Variants in TCEANC2 observed in about 807,000 individuals in gnomAD.
TCEANC2 encodes transcription elongation factor A N-terminal and central domain containing 2, also known as transcription elongation factor A N-terminal and central domain-containing protein 2.
A neutral mutation model predicts 22.8 loss-of-function variants in TCEANC2; 20 were observed. The ratio of observed to expected loss-of-function variants is 0.88; its 90% CI spans 0.62 to 1.28. The LOEUF (loss-of-function observed/expected upper bound fraction) is 1.28. Among genes scored for constraint, TCEANC2 ranks in the 50% most tolerant of loss-of-function variants. The pLI is 0.00. For missense variants in TCEANC2, 251 were observed against 249.7 expected (o/e 1.01, Z -0.03); for synonymous variants, 84 against 95.5 (o/e 0.88, Z 0.70).
intron 3 of TCEANC2, among the ~76,000 whole-genome samples, chr1:54,074,450 G>A (rs558337313): frequency 6.6e-6 from 1 of 151,824 alleles, no homozygotes; most frequent in Admixed American, 6.5e-5. Context: ...GCAACAGACC[G>A]AGACTCCGTC....
At chr1:54,095,042 G>A (rs1042483386) in intron 4 of TCEANC2, among the ~76,000 whole-genome samples, 1 of 152,174 alleles carries the variant, frequency 6.6e-6, no homozygotes, top group Non-Finnish European at 1.5e-5. Flanking sequence ...GCTCTTGAGA[G>A]GCTGAAGCCA....
chr1:54,109,447 T>C (rs546952008), downstream of TCEANC2, among the ~76,000 whole-genome samples: 1 of 152,292 alleles, frequency 6.6e-6, no homozygotes, highest in Non-Finnish European at 1.5e-5. Context: ...AATTTTTACT[T>C]GGAGAACTTT....
At chr1:54,075,199 G>A (rs975562146) in intron 3 of TCEANC2, among the ~76,000 whole-genome samples, 6 of 152,186 alleles carry the variant, frequency 3.9e-5, no homozygotes, top group African/African-American at 7.2e-5. Context: ...TTTGTAAGGC[G>A]CCCACATTCT....
chr1:54,082,561 CA>C (rs1258140287), intron 3 of TCEANC2, among the ~76,000 whole-genome samples: 5 of 152,096 alleles, frequency 3.3e-5, no homozygotes, highest in African/African-American at 9.7e-5. Flanking sequence ...ATAAGATGGA[CA>C]TTTAAATATT....
chr1:54,110,628 A>G (rs1358849197), downstream of TCEANC2, among the ~76,000 whole-genome samples: 1 of 151,982 alleles, frequency 6.6e-6, no homozygotes, highest in Admixed American at 6.6e-5. Context: ...AAAACAAAAC[A>G]AAAAAACAAC....
At position 54,103,499 on chromosome 1, in the gene TCEANC2, C is replaced by A. The variant is rs1421780535; in HGVS notation, c.*7026C>A. ...GACAACAGCATGGGGGAAACCGGCT[C>A]CGTGATCCAATCACTTCCCACCATG... is the stretch of plus-strand genomic sequence containing the variant. On this transcript the variant is annotated 3_prime_UTR_variant, in exon 5 of 5. Coordinates refer to ENST00000234827, the MANE Select transcript of TCEANC2 (RefSeq NM_153035.3). The A allele has an allele frequency of 6.6e-6, 1 of 152,180 alleles. No individual in the cohort carries two copies. Among genetic ancestry groups the A allele is most frequent in the African/African-American group, 2.4e-5 (1 of 41,440 alleles). The allele number at this position is 152,180 out of a possible 1,614,324, so 9.4% of individuals were successfully genotyped here.
rs958808823 is a variant in TCEANC2 at position 54,097,092 on chromosome 1, G to A, written c.*619G>A. 1.7e-6 allele frequency: 1 copy of A among 600,368 alleles called. No individual in the cohort carries two copies. The highest frequency in any genetic ancestry group is 2.1e-6 in the Non-Finnish European group (1 of 477,700). The allele number at this position is 600,368 out of a possible 1,614,324, so 37.2% of individuals were successfully genotyped here. On this transcript the variant is annotated 3_prime_UTR_variant, in exon 5 of 5. Coordinates refer to ENST00000234827, the MANE Select transcript of TCEANC2 (RefSeq NM_153035.3). ...GAGGCTACTAATGAGGAACTGGCCC[G>A]AAGCCTCCCACACCTCAGGGTTTAT...
chr1:54,112,431 T>C (rs1658854960), exon 5 of TCEANC2: 1 of 152,208 alleles, frequency 6.6e-6, no homozygotes, highest in Non-Finnish European at 1.5e-5. Flanking sequence ...GGAGTATTTA[T>C]TAACTGCCAA....
At chr1:54,081,384 A>G (rs1658240824) in intron 3 of TCEANC2, among the ~76,000 whole-genome samples, 1 of 152,084 alleles carries the variant, frequency 6.6e-6, no homozygotes, top group South Asian at 2.1e-4. Flanking sequence ...ATGTGCCACC[A>G]TACCCAGTCA....
At chr1:54,063,845 T>C (rs1453574057) in intron 2 of TCEANC2, among the ~76,000 whole-genome samples, 1 of 152,232 alleles carries the variant, frequency 6.6e-6, no homozygotes, top group Non-Finnish European at 1.5e-5. Context: ...AAAGTCTCTA[T>C]GTGTTCAGTA....
Position 54,088,670 on chromosome 1 carries a change from G to C in TCEANC2, c.318G>C (p.Glu106Asp), listed in dbSNP as rs751194630. The part of the protein sequence containing the change: ...VASLAREVYT[E>D]WKTFTEKHSN... Reference sequence around the variant, plus strand: ...CTCTTGCCAGAGAAGTTTACACTGAGTGGAAAACTTTCACTGAAAAACATT... The same window carrying C: ...CTCTTGCCAGAGAAGTTTACACTGACTGGAAAACTTTCACTGAAAAACATT... Residue 106 changes from glutamate (E) to aspartate (D), a missense_variant, in exon 4 of 5, where the codon GAG becomes GAC. Coordinates refer to ENST00000234827, the MANE Select transcript of TCEANC2 (RefSeq NM_153035.3). The C allele has an allele frequency of 6.2e-7, 1 of 1,611,016 alleles. No homozygotes were observed. The highest frequency in any genetic ancestry group is 8.5e-7 in the Non-Finnish European group (1 of 1,179,054).
chr1:54,061,314 G>A (rs912391879), intron 2 of TCEANC2, among the ~76,000 whole-genome samples: 4 of 152,142 alleles, frequency 2.6e-5, no homozygotes, highest in African/African-American at 9.7e-5. Flanking sequence ...AGAAATAACA[G>A]TACCCCATCT....
chr1:54,073,291 G>A (rs147704373), intron 3 of TCEANC2, among the ~76,000 whole-genome samples: 1 of 152,278 alleles, frequency 6.6e-6, no homozygotes, highest in Admixed American at 6.5e-5. Context: ...TAGGAATTCT[G>A]TGGGGCTAAA....
At chr1:54,057,517 A>C (rs1427665869) in intron 2 of TCEANC2, among the ~76,000 whole-genome samples, 1 of 151,622 alleles carries the variant, frequency 6.6e-6, no homozygotes, top group African/African-American at 2.4e-5. Context: ...CTTCCTAAAA[A>C]TCCTTCTTGC....
downstream of TCEANC2, chr1:54,110,906 C>T (rs1238493923): frequency 6.6e-6 from 1 of 152,312 alleles, no homozygotes; most frequent in Non-Finnish European, 1.5e-5. Context: ...AGAGGCCTAC[C>T]CTGGCCACCC....
chr1:54,054,130 G>A, intron 1 of TCEANC2: 1 of 726,910 alleles, frequency 1.4e-6, no homozygotes, highest in Non-Finnish European at 2.0e-6. Context: ...CCCCAATGTT[G>A]GAATCCTCGC....
In TCEANC2 at chr1:54,096,464, CA is replaced by C; in HGVS notation, c.623del (p.Lys208SerfsTer30). The C allele has an allele frequency of 6.2e-7, 1 of 1,600,378 alleles. No individual in the cohort carries two copies. The highest frequency in any genetic ancestry group is 8.6e-7 in the Non-Finnish European group (1 of 1,168,786). The part of the protein sequence containing the change: ...LPVGTFVQTH[K>X]K ...CAGTCGGCACGTTTGTACAGACCCACAAAAAGTGACCTGAGGACGGTTCCAG... is the reference window on the plus strand; with the variant it reads ...CAGTCGGCACGTTTGTACAGACCCACAAAAGTGACCTGAGGACGGTTCCAG... On this transcript the variant is annotated frameshift_variant, in exon 5 of 5. Transcript: ENST00000234827. LOFTEE classifies it high-confidence loss of function. This position sits in a 1 kb window ranked among gnomAD's most constrained non-coding sequence, Gnocchi z 4.9.
Position 54,096,456 on chromosome 1 carries a change from C to A in TCEANC2, c.610C>A (p.Gln204Lys). ...SGSLPVGTFV[Q>K]THKK The stretch of plus-strand genomic sequence containing the variant: ...CTCGCTGCCAGTCGGCACGTTTGTA[C>A]AGACCCACAAAAAGTGACCTGAGGA... The change falls in exon 5 of 5, where the codon CAG (glutamine) becomes AAG (lysine). Residue 204 changes from glutamine to lysine, a missense_variant. Gln to Lys is a moderately conservative substitution (Grantham distance 53). Coordinates refer to ENST00000234827, the MANE Select transcript of TCEANC2 (RefSeq NM_153035.3). The surrounding 1 kb of genome is among the most constrained non-coding windows in gnomAD (Gnocchi z 4.9). 2 of 1,605,270 alleles carry A rather than the reference C, an allele frequency of 1.2e-6. No individual in the cohort carries two copies. The highest frequency in any genetic ancestry group is 4.5e-5 in the East Asian group (2 of 44,584).
At chr1:54,079,989 C>T (rs1034002890) in intron 3 of TCEANC2, among the ~76,000 whole-genome samples, 3 of 152,068 alleles carry the variant, frequency 2.0e-5, no homozygotes, top group Admixed American at 6.6e-5. Context: ...CGCATCCAGC[C>T]CTTGTTGCCT....
Sources: allele counts gnomAD v4.1 joint callset (sites outside exome capture counted in the v4.1 genomes callset), GRCh38; gene constraint gnomAD v4.1.1; non-coding constraint Gnocchi (gnomAD v3.1); transcripts MANE v1.5; gene names NCBI Gene and HGNC (gene_info 2026-07-23, HGNC 2026-07-21).